The following CAMK2A variants were observed in gnomAD, a reference collection of about 807,000 sequenced individuals.
CAMK2A encodes calcium/calmodulin-dependent protein kinase type II subunit alpha.
Under a neutral mutation model 79.2 loss-of-function variants are expected in CAMK2A, and 7 were observed. The ratio of observed to expected loss-of-function variants is 0.09; its 90% confidence interval spans 0.05 to 0.17. The LOEUF (loss-of-function observed/expected upper bound fraction) is 0.17. Among genes scored for constraint, CAMK2A ranks in the 10% least tolerant of loss-of-function variants. CAMK2A has a pLI of 1.00. For synonymous variants in CAMK2A, 242 were observed against 251.7 expected, an observed-to-expected ratio of 0.96 and a Z score of 0.36; for missense variants, 214 against 646.4, an observed-to-expected ratio of 0.33 and a Z score of 7.25.
intron 2 of CAMK2A, among the ~76,000 whole-genome samples, chr5:150,270,337 C>T (rs1235143453): frequency 6.6e-6 from 1 of 152,196 alleles, no homozygotes. Flanking sequence ...TTTCACTTTT[C>T]ACTTCATTTC....
chr5:150,241,776 C>T (rs1755355627), intron 13 of CAMK2A, among the ~76,000 whole-genome samples: 1 of 148,612 alleles, frequency 6.7e-6, no homozygotes, highest in Non-Finnish European at 1.5e-5. Context: ...TTCTCCTTTC[C>T]TCTTCCCTCT....
At chr5:150,286,317 C>A (rs946538950) in intron 1 of CAMK2A, among the ~76,000 whole-genome samples, 1 of 152,198 alleles carries the variant, frequency 6.6e-6, no homozygotes, top group Non-Finnish European at 1.5e-5. Flanking sequence ...CATCAAGAGG[C>A]TCCAGTAGCC....
intron 3 of CAMK2A, among the ~76,000 whole-genome samples, chr5:150,259,594 T>C (rs868384937): frequency 6.6e-6 from 1 of 152,212 alleles, no homozygotes; most frequent in Non-Finnish European, 1.5e-5. Flanking sequence ...AAATAATAAC[T>C]AAAAGATGTT....
At chr5:150,243,317 G>A (rs771418925) in intron 13 of CAMK2A, among the ~76,000 whole-genome samples, 4 of 152,192 alleles carry the variant, frequency 2.6e-5, no homozygotes, top group South Asian at 2.1e-4. Context: ...CCCCCAAATC[G>A]GAACCAGGAA....
chr5:150,268,962 C>G (rs921368217), intron 2 of CAMK2A, among the ~76,000 whole-genome samples: 1 of 151,970 alleles, frequency 6.6e-6, no homozygotes, highest in African/African-American at 2.4e-5. Flanking sequence ...ATGGGGGTCT[C>G]ACCATGTTGC....
At position 150,221,789 on chromosome 5, in the gene CAMK2A, C is replaced by T. The variant is rs1754322275; in HGVS notation, c.*921G>A. 2.5e-6 allele frequency: 1 copy of T among 395,342 alleles called. No homozygotes were observed. The highest frequency in any genetic ancestry group is 4.5e-6 in the Non-Finnish European group (1 of 224,628). The allele number at this position is 395,342 out of a possible 1,614,324, so 24.5% of individuals were successfully genotyped here. On this transcript the variant is annotated 3_prime_UTR_variant, in exon 19 of 19. Transcript: ENST00000671881. Reference sequence around the variant, plus strand: ...AAACTAGAACAGAAAAAAACTACCCCTCACCCCTCTTCCTACACCCCTTCC... The same window carrying T: ...AAACTAGAACAGAAAAAAACTACCCTTCACCCCTCTTCCTACACCCCTTCC...
At chr5:150,266,701 T>A (rs373770959) in intron 2 of CAMK2A, among the ~76,000 whole-genome samples, 1 of 152,166 alleles carries the variant, frequency 6.6e-6, no homozygotes, top group East Asian at 1.9e-4. Flanking sequence ...TCCTGGGCTA[T>A]ACTGTTCTCT....
intron 15 of CAMK2A, among the ~76,000 whole-genome samples, chr5:150,234,941 A>G (rs2114032998): frequency 6.6e-6 from 1 of 152,220 alleles, no homozygotes; most frequent in South Asian, 2.1e-4. Context: ...CCCAGCCTCT[A>G]TGCCTAGTCT....
chr5:150,222,571 T>G lies in CAMK2A; in HGVS notation c.*139A>C, dbSNP rs1754368327. The G allele has an allele frequency of 1.1e-6, 1 of 937,376 alleles. No individual in the cohort carries two copies. 58.1% of individuals were successfully genotyped at this position (937,376 alleles called of 1,614,324 possible). A position where few individuals can be genotyped will look rare whatever the true frequency, so the allele number is the denominator to read the frequency against. ...TTTGTGAACAAGCAGGTTTTCTTGA[T>G]GCAGGTACAGAAGTGACGGTGGTGG... On this transcript the variant is annotated 3_prime_UTR_variant, in exon 19 of 19. Coordinates refer to ENST00000671881, the MANE Select transcript of CAMK2A (RefSeq NM_015981.4).
chr5:150,223,856 A>T lies in CAMK2A; in HGVS notation c.1238-639T>A, dbSNP rs1359254386. 6.6e-6 allele frequency among the ~76,000 whole-genome samples: 1 copy of T among 152,250 alleles called. No homozygotes were observed. The highest frequency in any genetic ancestry group is 2.4e-5 in the African/African-American group (1 of 41,462). On this transcript the variant is annotated intron_variant, in intron 17 of 18. Transcript: ENST00000671881. This position sits in a 1 kb window ranked among gnomAD's most constrained non-coding sequence, Gnocchi z 4.1. ...TTGGCATCTAATTCAAATTTAAAACATCATGCAAGCCAAGTGAAACATATC... is the reference window on the plus strand; with the variant it reads ...TTGGCATCTAATTCAAATTTAAAACTTCATGCAAGCCAAGTGAAACATATC...
chr5:150,262,949 G>T (rs1562179897), intron 3 of CAMK2A, among the ~76,000 whole-genome samples: 1 of 152,090 alleles, frequency 6.6e-6, no homozygotes, highest in Non-Finnish European at 1.5e-5. Context: ...AAATCCTCAT[G>T]GCCCCGAGGA....
chr5:150,260,609 C>T (rs1013613198), intron 3 of CAMK2A, among the ~76,000 whole-genome samples: 1 of 152,184 alleles, frequency 6.6e-6, no homozygotes, highest in Non-Finnish European at 1.5e-5. Context: ...GCTAACAGCA[C>T]CTGAATCCCT....
chr5:150,250,575 T>C (rs1755786923), intron 10 of CAMK2A, 113 bp downstream of exon 10: 13 of 1,433,786 alleles, frequency 9.1e-6, no homozygotes, highest in Non-Finnish European at 1.2e-5. Flanking sequence ...GGCAGTCTCT[T>C]GGATTAAGCC....
At chr5:150,227,996 G>T (rs1290999785) in intron 17 of CAMK2A, among the ~76,000 whole-genome samples, 196 bp downstream of exon 17, 1 of 152,170 alleles carries the variant, frequency 6.6e-6, no homozygotes, top group Non-Finnish European at 1.5e-5. Flanking sequence ...TCAACCACAG[G>T]AGGGGCAGCT....
chr5:150,263,448 TCA>T (rs2150292746), intron 3 of CAMK2A, among the ~76,000 whole-genome samples: 1 of 147,338 alleles, frequency 6.8e-6, no homozygotes, highest in African/African-American at 2.5e-5. Flanking sequence ...ATTCACACAC[TCA>T]CACACGTGCA....
chr5:150,252,755 C>G (rs77006433), intron 7 of CAMK2A, among the ~76,000 whole-genome samples: 5,162 of 152,266 alleles, frequency 0.034, 298 homozygotes, highest in African/African-American at 0.12. Flanking sequence ...TGCCTGGTCA[C>G]ATTTAATTCT....
At chr5:150,226,431 C>T (rs17656349) in intron 17 of CAMK2A, among the ~76,000 whole-genome samples, 68,744 of 151,932 alleles carry the variant, frequency 0.45, 17,875 homozygotes, top group East Asian at 0.63. Context: ...TGCCACTGTA[C>T]GTACTTCATT....
chr5:150,245,585 C>T (rs777356902), intron 12 of CAMK2A, among the ~76,000 whole-genome samples: 1 of 152,328 alleles, frequency 6.6e-6, no homozygotes, highest in East Asian at 1.9e-4. Context: ...AGGCTGGACA[C>T]GCCCTCCCCA....
intron 2 of CAMK2A, among the ~76,000 whole-genome samples, chr5:150,268,724 T>C (rs1459623612): frequency 6.6e-6 from 1 of 152,200 alleles, no homozygotes; most frequent in Non-Finnish European, 1.5e-5. Flanking sequence ...GAGATTTCAA[T>C]CCATGTACAT....
Sources: gnomAD v4.1 joint callset for allele counts (sites outside exome capture counted in the v4.1 genomes callset) on GRCh38, gnomAD v4.1.1 for gene constraint, Gnocchi (gnomAD v3.1) non-coding constraint, MANE v1.5 for transcripts, NCBI Gene and HGNC (gene_info 2026-07-23, HGNC 2026-07-21) for gene names.